SF3B1: variants seen among roughly 807,000 people sequenced by gnomAD.
The protein encoded by SF3B1 is splicing factor 3b subunit 1.
A neutral mutation model predicts 153.8 loss-of-function variants in SF3B1; 12 were observed. The observed-to-expected ratio is 0.08, with a 90% CI of 0.05 to 0.13. The LOEUF is 0.13. Ranked by LOEUF, SF3B1 falls within the 10% of genes least tolerant of loss-of-function variation. The pLI is 1.00. For missense variants in SF3B1, 513 were observed against 1,606.1 expected (o/e 0.32, Z 11.63); for synonymous variants, 498 against 525.2 (o/e 0.95, Z 0.71).
Position 197,400,539 on chromosome 2 carries a change from G to A in SF3B1, c.2719-105C>T. 1 of 1,116,176 alleles carries A rather than the reference G, an allele frequency of 9.0e-7. No homozygotes were observed. The highest frequency in any genetic ancestry group is 1.3e-6 in the Non-Finnish European group (1 of 787,140). 69.1% of individuals were successfully genotyped at this position (1,116,176 alleles called of 1,614,324 possible). ...TCTAACCACCCAAACATCTGTTGCT[G>A]TTTTTTTACATCAAATCTTAAAACT... On this transcript the variant is annotated intron_variant, in intron 18 of 24. Transcript: ENST00000335508. The surrounding 1 kb of genome is among the most constrained non-coding windows in gnomAD (Gnocchi z 5.0).
At chr2:197,397,722 G>A (rs987127175) in intron 22 of SF3B1, among the ~76,000 whole-genome samples, 6 of 152,104 alleles carry the variant, frequency 3.9e-5, no homozygotes, top group African/African-American at 1.4e-4. Context: ...GCCTGCACCT[G>A]GGAGGCGGTG....
chr2:197,420,051 A>G (rs950089435), intron 4 of SF3B1: 7 of 248,952 alleles, frequency 2.8e-5, no homozygotes, highest in Non-Finnish European at 5.4e-5. Context: ...CAGTTTCTCA[A>G]GGGTAACAAT....
Position 197,416,902 on chromosome 2 carries a change from T to G in SF3B1, c.505A>C (p.Arg169=). 6.2e-7 allele frequency: 1 copy of G among 1,610,976 alleles called. No homozygotes were observed. The highest frequency in any genetic ancestry group is 8.5e-7 in the Non-Finnish European group (1 of 1,178,472). The change falls in exon 6 of 25, where the codon AGG becomes CGG. Residue 169 remains arginine, a synonymous_variant. Transcript: ENST00000335508. Reference sequence around the variant, plus strand: ...TTAGCTTTTTCTGCTAGCTGTTGCCTAATTTCTCGCTGAAAAAAACAGTGA... The same window carrying G: ...TTAGCTTTTTCTGCTAGCTGTTGCCGAATTTCTCGCTGAAAAAAACAGTGA... ...QHLTKEEREI[R]QQLAEKAKAG...
intron 9 of SF3B1, among the ~76,000 whole-genome samples, chr2:197,406,565 G>C (rs1222693088): frequency 6.6e-6 from 1 of 152,136 alleles, no homozygotes; most frequent in Non-Finnish European, 1.5e-5. Context: ...TCACTAGTAA[G>C]GACGTTGCTT....
In SF3B1 at chr2:197,417,649, C is replaced by T. The variant is rs569861446; in HGVS notation, c.496-738G>A. ...GTGCACACCTGCAATCCCAGAAACT[C>T]GGGAGGCTGTGGCAGGAGAATCGCT... On this transcript the variant is annotated intron_variant, in intron 5 of 24. Transcript: ENST00000335508. 4.6e-5 allele frequency among the ~76,000 whole-genome samples: 7 copies of T among 151,418 alleles called. No individual in the cohort carries two copies. In the East Asian group the frequency reaches 1.4e-3, roughly 29 times the overall value.
intron 8 of SF3B1, 84 bp downstream of exon 8, chr2:197,408,285 T>C: frequency 7.3e-7 from 1 of 1,375,860 alleles, no homozygotes; most frequent in Non-Finnish European, 1.0e-6. Context: ...GAAGTTGACA[T>C]TAATAGTACA....
intron 4 of SF3B1, 99 bp from the exon 5 acceptor site, chr2:197,418,687 A>G: frequency 6.8e-7 from 1 of 1,471,792 alleles, no homozygotes; most frequent in Non-Finnish European, 9.0e-7. Context: ...ATGTTATTCC[A>G]TAATCATTTA....
chr2:197,408,347 A>C, intron 8 of SF3B1, 22 bp downstream of exon 8: 1 of 1,603,890 alleles, frequency 6.2e-7, no homozygotes. Context: ...AAAAACAATT[A>C]TGTCCAATGA....
intron 9 of SF3B1, among the ~76,000 whole-genome samples, chr2:197,406,859 A>AT (rs1305351812): frequency 6.6e-6 from 1 of 152,152 alleles, no homozygotes; most frequent in African/African-American, 2.4e-5. Flanking sequence ...TGGGAGGCCA[A>AT]TGTGGGTACT....
Position 197,392,460 on chromosome 2 carries a change from C to A in SF3B1, c.3758G>T (p.Gly1253Val), listed in dbSNP as rs2105973852. ...GACTTTCCGGGCTGGGTGAAACAGA[C>A]CCTAAAATAATTGAACGGTTACATT... ...PCRMLQYCLQ[G>V]LFHPARKVRD... Residue 1253 changes from glycine (G) to valine (V), a missense_variant and splice_region_variant, in exon 25 of 25, where the codon GGT (glycine) becomes GTT (valine). Around this residue, in one of 21 missense-constraint regions of SF3B1, gnomAD observed 27 missense variants for 126.1 expected, o/e 0.21. Coordinates refer to ENST00000335508, the MANE Select transcript of SF3B1 (RefSeq NM_012433.4). 6.6e-7 allele frequency: 1 copy of A among 1,512,882 alleles called. No homozygotes were observed. Among genetic ancestry groups the A allele is most frequent in the Non-Finnish European group, 9.1e-7 (1 of 1,100,714 alleles). 93.7% of individuals were successfully genotyped at this position (1,512,882 alleles called of 1,614,324 possible). A position where few individuals can be genotyped will look rare whatever the true frequency, so the allele number is the denominator to read the frequency against.
intron 9 of SF3B1, 96 bp downstream of exon 9, chr2:197,407,902 A>G: frequency 9.3e-7 from 1 of 1,071,982 alleles, no homozygotes; most frequent in Non-Finnish European, 1.4e-6. Flanking sequence ...ACAATAGTAA[A>G]TTTGGGCAAA....
intron 20 of SF3B1, 132 bp downstream of exon 20, chr2:197,399,923 C>T (rs1180068067): frequency 6.3e-6 from 4 of 637,486 alleles, no homozygotes; most frequent in Non-Finnish European, 1.1e-5. Context: ...CCCGACTTAA[C>T]TACAATCTTG....
rs182874141 is a variant in SF3B1, at chr2:197,392,476, C to T, written c.3757-15G>A. 36 of 1,279,772 alleles carry T rather than the reference C, an allele frequency of 2.8e-5. No individual in the cohort carries two copies. In the Middle Eastern group the frequency reaches 7.7e-4, roughly 27 times the overall value. The allele number at this position is 1,279,772 out of a possible 1,614,324, so 79.3% of individuals were successfully genotyped here. Reference sequence around the variant, plus strand: ...TGAAACAGACCCTAAAATAATTGAACGGTTACATTATTTCAATTTTTAAGA... The same window carrying T: ...TGAAACAGACCCTAAAATAATTGAATGGTTACATTATTTCAATTTTTAAGA... On this transcript the variant is annotated splice_polypyrimidine_tract_variant and intron_variant, in intron 24 of 24. Coordinates refer to ENST00000335508, the MANE Select transcript of SF3B1 (RefSeq NM_012433.4).
intron 23 of SF3B1, 130 bp from the exon 24 acceptor site, chr2:197,393,318 T>C: frequency 1.5e-6 from 1 of 660,958 alleles, no homozygotes; most frequent in Admixed American, 2.5e-5. Flanking sequence ...ACTAATTCAG[T>C]GCACTGAATA....
At chr2:197,432,888 AAG>A (rs1054138755) in intron 1 of SF3B1, among the ~76,000 whole-genome samples, 2 of 152,218 alleles carry the variant, frequency 1.3e-5, no homozygotes, top group Non-Finnish European at 2.9e-5. Context: ...AAAATAAAAA[AAG>A]AAATGTTTGA....
Position 197,416,760 on chromosome 2 carries a change from G to A in SF3B1, c.647C>T (p.Ser216Leu). 6.2e-7 allele frequency: 1 copy of A among 1,611,380 alleles called. No individual in the cohort carries two copies. Among genetic ancestry groups the A allele is most frequent in the Non-Finnish European group, 8.5e-7 (1 of 1,179,278 alleles). ...QTPGATPKKL[S>L]SWDQAETPGH... is the part of the protein sequence containing the mutation. Reference sequence around the variant, plus strand: ...AATTACCTCTGCCTGATCCCAACTTGATAGTTTTTTGGGAGTGGCACCAGG... The same window carrying A: ...AATTACCTCTGCCTGATCCCAACTTAATAGTTTTTTGGGAGTGGCACCAGG... The change falls in exon 6 of 25, where the codon TCA (serine) becomes TTA (leucine). Residue 216 changes from serine (S) to leucine (L), a missense_variant. This residue lies in a region of SF3B1 where 17 missense variants were observed against 16.3 expected (regional missense o/e 1.05). Coordinates refer to ENST00000335508, the MANE Select transcript of SF3B1 (RefSeq NM_012433.4).
chr2:197,407,941 A>C, intron 9 of SF3B1, 57 bp downstream of exon 9: 3 of 1,506,950 alleles, frequency 2.0e-6, no homozygotes, highest in Non-Finnish European at 2.7e-6. Context: ...AATTTTTTTC[A>C]CTATTTAAAA....
At chr2:197,415,878 C>A (rs566903504) in intron 6 of SF3B1, among the ~76,000 whole-genome samples, 6 of 152,236 alleles carry the variant, frequency 3.9e-5, no homozygotes, top group Middle Eastern at 3.4e-3. Flanking sequence ...TAGCTCACTG[C>A]AACCTCTACC....
At chr2:197,410,501 A>ATTTTTTT (rs573287348) in intron 6 of SF3B1, among the ~76,000 whole-genome samples, 4 of 107,942 alleles carry the variant, frequency 3.7e-5, no homozygotes, top group African/African-American at 3.7e-5. Context: ...CACCTATGTA[A>ATTTTTTT]TTTTTTTTTT....
Sources: gnomAD v4.1 joint callset for allele counts (sites outside exome capture counted in the v4.1 genomes callset) on GRCh38, gnomAD v4.1.1 for gene constraint, gnomAD v4.1.1 regional missense constraint, Gnocchi (gnomAD v3.1) non-coding constraint, MANE v1.5 for transcripts, NCBI Gene and HGNC (gene_info 2026-07-23, HGNC 2026-07-21) for gene names.